The following RAPGEF1 variants were observed in gnomAD, a reference collection of about 807,000 sequenced individuals.
RAPGEF1 encodes CRK SH3-binding GNRP.
RAPGEF1 carries 33 observed loss-of-function variants against 143.3 expected under a neutral mutation model. The observed-to-expected ratio is 0.23, with a 90% confidence interval of 0.17 to 0.31. The LOEUF is 0.31. Among genes scored for constraint, RAPGEF1 ranks in the 10% least tolerant of loss-of-function variants. The pLI is 1.00. For missense variants in RAPGEF1, 1,199 were observed against 1,645.4 expected (o/e 0.73, Z 4.69); for synonymous variants, 629 against 676.5 (o/e 0.93, Z 1.09).
intron 1 of RAPGEF1, among the ~76,000 whole-genome samples, chr9:131,728,339 G>A (rs915411297): frequency 1.4e-4 from 22 of 152,176 alleles, no homozygotes; most frequent in East Asian, 5.8e-4. Context: ...AGAGCTGAAC[G>A]AAGATGATTT....
chr9:131,638,265 G>T (rs1376518455), intron 5 of RAPGEF1, among the ~76,000 whole-genome samples: 1 of 152,212 alleles, frequency 6.6e-6, no homozygotes, highest in African/African-American at 2.4e-5. Context: ...AATCCTAGAA[G>T]CTCCCAGAAC....
At chr9:131,595,570 A>G (rs553396232) in intron 17 of RAPGEF1, among the ~76,000 whole-genome samples, 3 of 152,348 alleles carry the variant, frequency 2.0e-5, no homozygotes, top group Non-Finnish European at 2.9e-5. Flanking sequence ...TAAAAAGAGA[A>G]GCAGCGTGTG....
chr9:131,630,181 G>T, intron 6 of RAPGEF1, 55 bp downstream of exon 6: 10 of 1,490,372 alleles, frequency 6.7e-6, no homozygotes, highest in African/African-American at 1.4e-5. Flanking sequence ...CTTGTCAAGT[G>T]CAGACTTTGC....
intron 1 of RAPGEF1, among the ~76,000 whole-genome samples, chr9:131,681,988 G>C (rs968089206): frequency 6.6e-6 from 1 of 152,104 alleles, no homozygotes; most frequent in Non-Finnish European, 1.5e-5. Context: ...GCTGCTCTGC[G>C]ACCTATCAGA....
intron 15 of RAPGEF1, among the ~76,000 whole-genome samples, chr9:131,599,287 G>C (rs753244788): frequency 6.6e-6 from 1 of 151,930 alleles, no homozygotes; most frequent in Admixed American, 6.6e-5. Context: ...ACCATGCCTG[G>C]ATAATTCTGT....
At chr9:131,582,144 C>T (rs943019963) in intron 25 of RAPGEF1, among the ~76,000 whole-genome samples, 1 of 152,180 alleles carries the variant, frequency 6.6e-6, no homozygotes. Context: ...ACTTTCTGAA[C>T]TTCTTTACAC....
chr9:131,584,442 A>C lies in RAPGEF1; in HGVS notation c.3313-30T>G, dbSNP rs1251071727. The stretch of plus-strand genomic sequence containing the variant: ...CGAGAGAGGGGCGGTGCCGTGAGGC[A>C]GGAGGGCAGGCGGGTCCCGGGCTCC... On this transcript the variant is annotated intron_variant, in intron 23 of 26. Coordinates refer to ENST00000683357, the MANE Select transcript of RAPGEF1 (RefSeq NM_001377935.1). The surrounding 1 kb of genome is among the most constrained non-coding windows in gnomAD (Gnocchi z 6.8). The C allele has an allele frequency of 1.2e-6, 2 of 1,613,170 alleles. No individual in the cohort carries two copies. The highest frequency in any genetic ancestry group is 4.5e-5 in the East Asian group (2 of 44,856).
At chr9:131,670,385 G>A (rs181485936) in intron 1 of RAPGEF1, among the ~76,000 whole-genome samples, 16 of 152,292 alleles carry the variant, frequency 1.1e-4, no homozygotes, top group Admixed American at 5.9e-4. Flanking sequence ...CGCTTCTGAC[G>A]CAGATGCCAC....
intron 3 of RAPGEF1, among the ~76,000 whole-genome samples, chr9:131,643,850 C>A (rs1968764805): frequency 6.6e-6 from 1 of 152,160 alleles, no homozygotes; most frequent in African/African-American, 2.4e-5. Context: ...TTTCAAAGAT[C>A]TGAAAGACTG....
At chr9:131,585,471 G>A (rs1199357689) in intron 22 of RAPGEF1, among the ~76,000 whole-genome samples, 1 of 152,252 alleles carries the variant, frequency 6.6e-6, no homozygotes, top group Non-Finnish European at 1.5e-5. Flanking sequence ...GTGAGCCACT[G>A]CACTCGCACC....
chr9:131,579,206 A>G lies in RAPGEF1; in HGVS notation c.*291T>C, dbSNP rs1951498948. On this transcript the variant is annotated 3_prime_UTR_variant, in exon 27 of 27. Coordinates refer to ENST00000683357, the MANE Select transcript of RAPGEF1 (RefSeq NM_001377935.1). ...TGGGTGGAAGGTCAAGAGGGGAGAG[A>G]TGGAAGTAAAAGCAGAAAACAAAAC... The G allele has an allele frequency of 8.2e-6, 3 of 365,632 alleles. No homozygotes were observed. The South Asian group carries it at 9.5e-5, about 12-fold the overall frequency. 22.6% of individuals were successfully genotyped at this position (365,632 alleles called of 1,614,324 possible). A position where few individuals can be genotyped will look rare whatever the true frequency, so the allele number is the denominator to read the frequency against.
intron 1 of RAPGEF1, among the ~76,000 whole-genome samples, chr9:131,682,109 A>T (rs1453849226): frequency 6.6e-6 from 1 of 152,190 alleles, no homozygotes; most frequent in African/African-American, 2.4e-5. Context: ...GATAAAGGAA[A>T]TACTCCATTT....
At chr9:131,691,822 T>C (rs1351963564) in intron 1 of RAPGEF1, among the ~76,000 whole-genome samples, 1 of 152,230 alleles carries the variant, frequency 6.6e-6, no homozygotes, top group East Asian at 1.9e-4. Flanking sequence ...TTGTGGGTTT[T>C]ATGGTTTTTA....
chr9:131,701,015 G>A lies in RAPGEF1; in HGVS notation c.61+38755C>T, dbSNP rs562076887. ...ACCAACCCCTGGAGGCAAACTTCTCGGTAGTCCACAAGGCCCCCTGAAACA... is the reference window on the plus strand; with the variant it reads ...ACCAACCCCTGGAGGCAAACTTCTCAGTAGTCCACAAGGCCCCCTGAAACA... On this transcript the variant is annotated intron_variant, in intron 1 of 26. Transcript: ENST00000683357. 6.6e-5 allele frequency among the ~76,000 whole-genome samples: 10 copies of A among 152,092 alleles called. No homozygotes were observed. The South Asian group carries it at 1.2e-3, about 19-fold the overall frequency.
intron 5 of RAPGEF1, among the ~76,000 whole-genome samples, chr9:131,632,192 G>C (rs558308400): frequency 2.0e-5 from 3 of 151,344 alleles, no homozygotes; most frequent in Non-Finnish European, 2.9e-5. Flanking sequence ...GCAGTGGTGC[G>C]ATCTCAGCTC....
chr9:131,693,068 T>C (rs1833895981), intron 1 of RAPGEF1, among the ~76,000 whole-genome samples: 2 of 152,226 alleles, frequency 1.3e-5, no homozygotes, highest in African/African-American at 2.4e-5. Context: ...GTCTCCCTGG[T>C]GCACTGTATC....
chr9:131,723,655 G>A (rs1023881749), intron 1 of RAPGEF1, among the ~76,000 whole-genome samples: 1 of 152,134 alleles, frequency 6.6e-6, no homozygotes, highest in Admixed American at 6.6e-5. Flanking sequence ...AACAGCCCAC[G>A]TTTTCTTTAT....
intron 1 of RAPGEF1, among the ~76,000 whole-genome samples, chr9:131,683,243 A>C (rs956438851): frequency 6.6e-6 from 1 of 152,268 alleles, no homozygotes; most frequent in African/African-American, 2.4e-5. Flanking sequence ...TCCGGAACCT[A>C]TATCTTTAAA....
At chr9:131,700,196 C>G (rs947221496) in intron 1 of RAPGEF1, among the ~76,000 whole-genome samples, 1 of 152,226 alleles carries the variant, frequency 6.6e-6, no homozygotes, top group Non-Finnish European at 1.5e-5. Flanking sequence ...ACAGTCATCT[C>G]AAGGCCTGGC....
Sources: gnomAD v4.1 joint callset for allele counts (sites outside exome capture counted in the v4.1 genomes callset) on GRCh38, gnomAD v4.1.1 for gene constraint, Gnocchi (gnomAD v3.1) non-coding constraint, MANE v1.5 for transcripts, NCBI Gene and HGNC (gene_info 2026-07-23, HGNC 2026-07-21) for gene names.